ANO2: variants seen among roughly 807,000 people sequenced by gnomAD.
The protein encoded by ANO2 is anoctamin 2.
In ANO2, 101 loss-of-function variants were observed where a neutral mutation model predicts 124.2. That is an observed-to-expected ratio of 0.81 (90% CI 0.69 to 0.96). The LOEUF (loss-of-function observed/expected upper bound fraction) is 0.96, where lower values mean the gene tolerates loss of function less well. Ranked by LOEUF, ANO2 falls within the 40% of genes least tolerant of loss-of-function variation. The pLI, the probability that ANO2 is intolerant of heterozygous loss-of-function variation, is 0.00. For synonymous variants in ANO2, 486 were observed against 482.5 expected, an observed-to-expected ratio of 1.01 and a Z score of -0.09; for missense variants, 1,293 against 1,274.5, an observed-to-expected ratio of 1.01 and a Z score of -0.22.
Position 5,832,600 on chromosome 12 carries a change from A to G in ANO2, c.637T>C (p.Tyr213His), listed in dbSNP as rs1157311642. Reference sequence around the variant, plus strand: ...ATGCTGCCTCCTGCTTTGATCTCGTACATCTATGAAAGGAAGAGCCACAGG... The same window carrying G: ...ATGCTGCCTCCTGCTTTGATCTCGTGCATCTATGAAAGGAAGAGCCACAGG... ...LKIKVPTKKM[Y>H]EIKAGGSIAK... The change falls in exon 5 of 25, where the codon TAC becomes CAC. Residue 213 changes from tyrosine to histidine, a missense_variant. Tyr to His is a moderately conservative substitution (Grantham distance 83). Transcript: ENST00000682330. 6.2e-7 allele frequency: 1 copy of G among 1,611,724 alleles called. No homozygotes were observed. Among genetic ancestry groups the G allele is most frequent in the Admixed American group, 1.7e-5 (1 of 59,652 alleles).
chr12:5,607,032 A>T (rs1303420720), intron 19 of ANO2, among the ~76,000 whole-genome samples: 2 of 150,968 alleles, frequency 1.3e-5, no homozygotes, highest in African/African-American at 4.9e-5. Context: ...CAGCACAATC[A>T]CCCATCTAAC....
At chr12:5,918,330 A>C (rs972169312) in intron 3 of ANO2, among the ~76,000 whole-genome samples, 1 of 152,200 alleles carries the variant, frequency 6.6e-6, no homozygotes, top group Non-Finnish European at 1.5e-5. Context: ...GGCCAGCACC[A>C]TGAGGCATGA....
intron 5 of ANO2, among the ~76,000 whole-genome samples, chr12:5,831,497 G>A (rs1371262530): frequency 6.6e-6 from 1 of 152,120 alleles, no homozygotes; most frequent in Non-Finnish European, 1.5e-5. Flanking sequence ...ACCATGCAAG[G>A]CCCAGCTCAG....
chr12:5,733,747 A>G (rs1475473672), intron 13 of ANO2, among the ~76,000 whole-genome samples: 1 of 152,236 alleles, frequency 6.6e-6, no homozygotes, highest in Admixed American at 6.5e-5. Context: ...CCATTCTCCG[A>G]GGGGACGTCA....
intron 14 of ANO2, among the ~76,000 whole-genome samples, chr12:5,710,446 T>C (rs983451874): frequency 1.3e-5 from 2 of 152,236 alleles, no homozygotes; most frequent in African/African-American, 4.8e-5. Context: ...TAATAGATTG[T>C]TTCATATAAA....
rs770974212 is a variant in ANO2, at chr12:5,578,498, T to G, written c.2254A>C (p.Thr752Pro). The change falls in exon 21 of 25, where the codon ACC becomes CCC. Residue 752 changes from threonine (T) to proline (P), a missense_variant. Physicochemically the swap from Thr to Pro is conservative, Grantham distance 38. Transcript: ENST00000682330. ...MEMIIQFGFVTLFVASFPLAP... is the reference protein window; with the variant it reads ...MEMIIQFGFVPLFVASFPLAP... ...AGGGGAAAGGAGGCCACGAAGAGGGTGACAAAACCAAACTGGATGACTGCG... is the reference window on the plus strand; with the variant it reads ...AGGGGAAAGGAGGCCACGAAGAGGGGGACAAAACCAAACTGGATGACTGCG... 1.2e-6 allele frequency: 2 copies of G among 1,613,360 alleles called. No individual in the cohort carries two copies. Among genetic ancestry groups the G allele is most frequent in the Non-Finnish European group, 1.7e-6 (2 of 1,179,738 alleles).
At position 5,945,237 on chromosome 12, in the gene ANO2, C is replaced by G. The variant is rs1426930676; in HGVS notation, c.-20G>C. The G allele has an allele frequency of 2.3e-6, 3 of 1,285,312 alleles. No individual in the cohort carries two copies. The highest frequency in any genetic ancestry group is 3.0e-6 in the Non-Finnish European group (3 of 986,444). 79.6% of individuals were successfully genotyped at this position (1,285,312 alleles called of 1,614,324 possible). On this transcript the variant is annotated 5_prime_UTR_variant, in exon 1 of 25. Transcript: ENST00000682330. ...CGCCATGATGTGGACGCAGACCCCG[C>G]CGGCCCGCGGCCGCGCGCTTCTGGG...
At chr12:5,781,071 A>G (rs1952379841) in intron 10 of ANO2, among the ~76,000 whole-genome samples, 1 of 152,232 alleles carries the variant, frequency 6.6e-6, no homozygotes, top group African/African-American at 2.4e-5. Context: ...GTAGCAATCG[A>G]GAAGGCTCAA....
At chr12:5,705,720 A>G (rs1286092398) in intron 14 of ANO2, among the ~76,000 whole-genome samples, 1 of 152,232 alleles carries the variant, frequency 6.6e-6, no homozygotes, top group Non-Finnish European at 1.5e-5. Context: ...AAAACATATC[A>G]TAACTGTTGG....
chr12:5,674,571 G>A (rs1420167820), intron 14 of ANO2, among the ~76,000 whole-genome samples: 9 of 152,168 alleles, frequency 5.9e-5, no homozygotes, highest in South Asian at 2.1e-4. Context: ...ATCGGCTGTC[G>A]TGGCCACCTC....
intron 10 of ANO2, among the ~76,000 whole-genome samples, chr12:5,797,566 C>T (rs10849341): frequency 0.23 from 34,647 of 152,072 alleles, 4,339 homozygotes; most frequent in Middle Eastern, 0.29. Flanking sequence ...CACTTCTGAC[C>T]CTAGTGCTCC....
intron 20 of ANO2, among the ~76,000 whole-genome samples, chr12:5,579,458 T>G (rs1181113967): frequency 6.6e-6 from 1 of 152,108 alleles, no homozygotes; most frequent in African/African-American, 2.4e-5. Context: ...CCTTCTAAGC[T>G]ATGGAAGCAG....
intron 4 of ANO2, among the ~76,000 whole-genome samples, chr12:5,837,952 T>C (rs1591676902): frequency 6.6e-6 from 1 of 151,078 alleles, no homozygotes; most frequent in Non-Finnish European, 1.5e-5. Context: ...TCAACAAAAT[T>C]GATAGACCGC....
chr12:5,597,786 A>G (rs1394116800), intron 20 of ANO2, among the ~76,000 whole-genome samples: 4 of 152,202 alleles, frequency 2.6e-5, no homozygotes, highest in Non-Finnish European at 5.9e-5. Flanking sequence ...ATTCTGGGTG[A>G]GAGAATGGCA....
Position 5,635,691 on chromosome 12 carries a change from T to A in ANO2, c.1621-344A>T, listed in dbSNP as rs371531588. ...ACACACATGACGCAATTTCTTTCAT[T>A]AGGGAGCTTTTGATCTTCTAAAGAG... On this transcript the variant is annotated intron_variant, in intron 15 of 24. Transcript: ENST00000682330. This position sits in a 1 kb window ranked among gnomAD's most constrained non-coding sequence, Gnocchi z 5.2. Among the ~76,000 whole-genome samples the A allele has an allele frequency of 6.6e-6, 1 of 151,956 alleles. No individual in the cohort carries two copies. Among genetic ancestry groups the A allele is most frequent in the East Asian group, 1.9e-4 (1 of 5,184 alleles).
intron 3 of ANO2, among the ~76,000 whole-genome samples, chr12:5,913,714 A>G (rs1941196533): frequency 6.6e-6 from 1 of 152,242 alleles, no homozygotes; most frequent in South Asian, 2.1e-4. Flanking sequence ...GATGGGAATA[A>G]CAGCCCCTTG....
intron 14 of ANO2, among the ~76,000 whole-genome samples, chr12:5,653,098 C>T (rs762799824): frequency 2.6e-5 from 4 of 152,172 alleles, no homozygotes; most frequent in Non-Finnish European, 2.9e-5. Flanking sequence ...AGAATGAAGA[C>T]GATAAATGCC....
chr12:5,830,578 GA>G, intron 5 of ANO2, 89 bp from the exon 6 acceptor site: 1 of 1,207,326 alleles, frequency 8.3e-7, no homozygotes, highest in Non-Finnish European at 1.2e-6. Flanking sequence ...CAAATCTTTA[GA>G]AAGCAACATA....
At chr12:5,806,562 C>T (rs1038181217) in intron 8 of ANO2, among the ~76,000 whole-genome samples, 9 of 152,330 alleles carry the variant, frequency 5.9e-5, no homozygotes, top group East Asian at 5.8e-4. Flanking sequence ...ATGGCACTAC[C>T]GCATGGCACG....
Sources: gnomAD v4.1 joint callset for allele counts (sites outside exome capture counted in the v4.1 genomes callset) on GRCh38, gnomAD v4.1.1 for gene constraint, Gnocchi (gnomAD v3.1) non-coding constraint, MANE v1.5 for transcripts, NCBI Gene and HGNC (gene_info 2026-07-23, HGNC 2026-07-21) for gene names.